Variants in RBFOX1 observed in about 807,000 individuals in gnomAD.
RBFOX1 encodes RNA binding fox-1 homolog 1.
Under a neutral mutation model 57.7 loss-of-function variants are expected in RBFOX1, and 8 were observed. The ratio of observed to expected loss-of-function variants is 0.14; its 90% CI spans 0.08 to 0.25. The LOEUF is 0.25. Ranked by LOEUF, RBFOX1 falls within the 10% of genes least tolerant of loss-of-function variation. RBFOX1 has a pLI of 1.00. For synonymous variants in RBFOX1, 326 were observed against 222.4 expected (o/e 1.47, Z -4.15); for missense variants, 611 against 548.5 (o/e 1.11, Z -1.14).
chr16:5,615,704 A>T (rs2047997889), intron 3 of RBFOX1, among the ~76,000 whole-genome samples: 2 of 152,214 alleles, frequency 1.3e-5, no homozygotes, highest in Non-Finnish European at 2.9e-5. Context: ...AAGGGGGCAG[A>T]TCCACATTTT....
intron 4 of RBFOX1, among the ~76,000 whole-genome samples, chr16:7,336,967 C>G (rs1268283382): frequency 2.6e-5 from 4 of 152,058 alleles, no homozygotes; most frequent in Admixed American, 6.6e-5. Context: ...GGGTGTTGTC[C>G]TAGACCCTGC....
chr16:5,411,490 C>T (rs1382677062), intron 1 of RBFOX1, among the ~76,000 whole-genome samples: 1 of 152,192 alleles, frequency 6.6e-6, no homozygotes, highest in African/African-American at 2.4e-5. Flanking sequence ...CTGTCGATAC[C>T]TTGATTCTAG....
At chr16:7,439,086 G>C (rs758813075) in intron 4 of RBFOX1, among the ~76,000 whole-genome samples, 29 of 152,210 alleles carry the variant, frequency 1.9e-4, no homozygotes, top group Non-Finnish European at 3.2e-4. Flanking sequence ...TGCACTCTCA[G>C]TGTGCACAGA....
At chr16:7,201,452 C>CTT (rs71147669) in intron 4 of RBFOX1, among the ~76,000 whole-genome samples, 1 of 146,048 alleles carries the variant, frequency 6.8e-6, no homozygotes. Flanking sequence ...CGATCTGATT[C>CTT]TTTTTTTTTT....
At chr16:5,671,859 G>T (rs976830968) in intron 3 of RBFOX1, among the ~76,000 whole-genome samples, 1 of 152,076 alleles carries the variant, frequency 6.6e-6, no homozygotes, top group Non-Finnish European at 1.5e-5. Context: ...TGTGAGCTGG[G>T]GGTTGAAGGA....
chr16:6,654,872 A>C (rs2098635445), intron 3 of RBFOX1, among the ~76,000 whole-genome samples: 2 of 129,416 alleles, frequency 1.5e-5, no homozygotes, highest in Non-Finnish European at 3.4e-5. Flanking sequence ...GTAATTTTTT[A>C]CAAAAAATGT....
Position 5,666,647 on chromosome 16 carries a change from G to A in RBFOX1, c.318+67686G>A. The stretch of plus-strand genomic sequence containing the variant: ...AGACAGCTAATAGGACTGGCAGTGA[G>A]CTAGGGCAGCCACTTTAGATAGATA... On this transcript the variant is annotated intron_variant, in intron 3 of 19. Transcript: ENST00000641259. Among the ~76,000 whole-genome samples, 2 of 152,232 alleles carry A rather than the reference G, an allele frequency of 1.3e-5. 1 individual carries two copies. Among genetic ancestry groups the A allele is most frequent in the Admixed American group, 1.3e-4 (2 of 15,284 alleles).
intron 2 of RBFOX1, among the ~76,000 whole-genome samples, chr16:6,562,407 G>T (rs968766753): frequency 1.3e-5 from 2 of 152,326 alleles, no homozygotes; most frequent in African/African-American, 4.8e-5. Context: ...AGCACATATT[G>T]AATATTTAAT....
intron 1 of RBFOX1, among the ~76,000 whole-genome samples, chr16:6,184,678 C>G (rs2080269): frequency 0.97 from 147,515 of 152,144 alleles, 71,679 homozygotes; most frequent in East Asian, 1. Flanking sequence ...TCCTGCCTCA[C>G]CGTCTCGAGT....
At chr16:5,837,691 C>G (rs992109143) in intron 3 of RBFOX1, among the ~76,000 whole-genome samples, 4 of 152,030 alleles carry the variant, frequency 2.6e-5, no homozygotes, top group African/African-American at 7.2e-5. Flanking sequence ...TAGTTCTATC[C>G]CCATTCCTGT....
At chr16:5,244,834 C>T (rs1193601266) in intron 1 of RBFOX1, among the ~76,000 whole-genome samples, 2 of 152,172 alleles carry the variant, frequency 1.3e-5, no homozygotes. Context: ...TTAGCTATGA[C>T]AGAGAGGGGC....
At chr16:5,364,728 C>G (rs1166477665) in intron 1 of RBFOX1, among the ~76,000 whole-genome samples, 1 of 152,176 alleles carries the variant, frequency 6.6e-6, no homozygotes, top group African/African-American at 2.4e-5. Context: ...GTGAATAGAA[C>G]AAAGGTTGAG....
At chr16:6,288,489 A>G (rs1253947155) in intron 1 of RBFOX1, among the ~76,000 whole-genome samples, 1 of 152,196 alleles carries the variant, frequency 6.6e-6, no homozygotes, top group Non-Finnish European at 1.5e-5. Context: ...CATCATACAT[A>G]CTATTGTACA....
chr16:7,099,328 C>G (rs769064851), intron 4 of RBFOX1, among the ~76,000 whole-genome samples: 1 of 152,140 alleles, frequency 6.6e-6, no homozygotes, highest in Non-Finnish European at 1.5e-5. Context: ...CTGGTGTAAA[C>G]TCATTTTGTA....
At chr16:5,388,238 T>G (rs997038667) in intron 1 of RBFOX1, among the ~76,000 whole-genome samples, 1 of 152,184 alleles carries the variant, frequency 6.6e-6, no homozygotes, top group African/African-American at 2.4e-5. Flanking sequence ...GGTCTCTGCC[T>G]CACCGTGCTT....
At chr16:6,911,802 C>G (rs78343042) in intron 3 of RBFOX1, among the ~76,000 whole-genome samples, 3,109 of 152,180 alleles carry the variant, frequency 0.02, 111 homozygotes, top group African/African-American at 0.07. Context: ...TCTATTTTTT[C>G]TTCTTTTTCA....
At chr16:6,314,641 A>G (rs965438853) in intron 1 of RBFOX1, among the ~76,000 whole-genome samples, 1 of 150,174 alleles carries the variant, frequency 6.7e-6, no homozygotes, top group South Asian at 2.2e-4. Flanking sequence ...ATGTTCGGAG[A>G]TGGAGGAAGT....
chr16:5,655,007 G>C (rs1159306240), intron 3 of RBFOX1, among the ~76,000 whole-genome samples: 1 of 152,086 alleles, frequency 6.6e-6, no homozygotes, highest in East Asian at 1.9e-4. Context: ...TTGCACACTG[G>C]GTCCAGCCTA....
chr16:6,603,873 C>T (rs905480539), intron 2 of RBFOX1, among the ~76,000 whole-genome samples: 1 of 152,152 alleles, frequency 6.6e-6, no homozygotes, highest in South Asian at 2.1e-4. Flanking sequence ...CGAGTTGCTT[C>T]TGTAGAGTTT....
Sources: gnomAD v4.1 joint callset for allele counts (sites outside exome capture counted in the v4.1 genomes callset) on GRCh38, gnomAD v4.1.1 for gene constraint, MANE v1.5 for transcripts, NCBI Gene and HGNC (gene_info 2026-07-23, HGNC 2026-07-21) for gene names.